Variants in TMEM132D observed in about 807,000 individuals in gnomAD.
The protein encoded by TMEM132D is mature OL transmembrane protein.
In TMEM132D, 21 loss-of-function variants were observed where a neutral mutation model predicts 62.3. That is an observed-to-expected ratio of 0.34 (90% confidence interval 0.24 to 0.49). The LOEUF (loss-of-function observed/expected upper bound fraction) is 0.49. TMEM132D is among the 20% of genes least tolerant of loss of function. The probability of loss-of-function intolerance (pLI) is 0.99; values close to 1 mark genes in which losing one functional copy is unlikely to be tolerated. For synonymous variants in TMEM132D, 621 were observed against 575.6 expected (o/e 1.08, Z -1.13); for missense variants, 1,346 against 1,402.8 (o/e 0.96, Z 0.65).
At chr12:129,649,834 G>A (rs1879878645) in intron 2 of TMEM132D, among the ~76,000 whole-genome samples, 3 of 150,994 alleles carry the variant, frequency 2.0e-5, no homozygotes, top group Admixed American at 1.3e-4. Flanking sequence ...GTGCGTATGT[G>A]CATGTATTTG....
intron 5 of TMEM132D, among the ~76,000 whole-genome samples, chr12:129,106,300 A>C (rs1407862159): frequency 6.7e-6 from 1 of 149,654 alleles, no homozygotes; most frequent in Non-Finnish European, 1.5e-5. Flanking sequence ...TAGCATTGGG[A>C]GATATACCTA....
intron 1 of TMEM132D, among the ~76,000 whole-genome samples, chr12:129,772,361 C>A (rs779182186): frequency 6.6e-5 from 10 of 151,990 alleles, no homozygotes; most frequent in Non-Finnish European, 1.3e-4. Flanking sequence ...TTTAATGATG[C>A]GGACTTCATA....
chr12:129,887,678 C>T lies in TMEM132D; in HGVS notation c.79+15583G>A, dbSNP rs149700960. 3.7e-3 allele frequency among the ~76,000 whole-genome samples: 570 copies of T among 152,218 alleles called. 12 individuals are homozygous for T. The highest frequency in any genetic ancestry group is 0.03 in the East Asian group (155 of 5,186). The stretch of plus-strand genomic sequence containing the variant: ...CATGCAAACAATTCTAGGAAAATTA[C>T]TTTAAGATAGTAAAAAAATGTGACA... On this transcript the variant is annotated intron_variant, in intron 1 of 8. Transcript: ENST00000422113.
At chr12:129,092,303 C>T (rs1190090980) in intron 5 of TMEM132D, among the ~76,000 whole-genome samples, 17 of 133,866 alleles carry the variant, frequency 1.3e-4, no homozygotes, top group Admixed American at 2.3e-4. Context: ...TCTCTCTTTC[C>T]TTTTTTTTTT....
chr12:129,374,930 A>G (rs1870741194), intron 3 of TMEM132D, among the ~76,000 whole-genome samples: 1 of 152,092 alleles, frequency 6.6e-6, no homozygotes, highest in African/African-American at 2.4e-5. Flanking sequence ...GAGAGGTGAA[A>G]TATTTCTAGC....
chr12:129,756,061 A>T (rs1323478914), intron 1 of TMEM132D, among the ~76,000 whole-genome samples: 1 of 152,166 alleles, frequency 6.6e-6, no homozygotes, highest in African/African-American at 2.4e-5. Context: ...TTTTCATAGG[A>T]GGTCTCTAAG....
intron 3 of TMEM132D, among the ~76,000 whole-genome samples, chr12:129,340,778 AC>A (rs1277820193): frequency 2.0e-5 from 3 of 152,238 alleles, no homozygotes; most frequent in African/African-American, 7.2e-5. Context: ...TGCTATAAAG[AC>A]ACATGCACAC....
intron 2 of TMEM132D, among the ~76,000 whole-genome samples, chr12:129,665,975 A>G (rs1880367259): frequency 6.6e-6 from 1 of 152,184 alleles, no homozygotes; most frequent in South Asian, 2.1e-4. Context: ...TATGTGAAAT[A>G]AATTGTATTT....
At chr12:129,240,910 C>T (rs942305320) in intron 4 of TMEM132D, among the ~76,000 whole-genome samples, 7 of 152,140 alleles carry the variant, frequency 4.6e-5, no homozygotes, top group Non-Finnish European at 1.0e-4. Flanking sequence ...GTCCATCCAT[C>T]ACCAAATCCT....
chr12:129,114,654 C>T (rs1374525539), intron 5 of TMEM132D, among the ~76,000 whole-genome samples: 1 of 152,138 alleles, frequency 6.6e-6, no homozygotes, highest in Non-Finnish European at 1.5e-5. Flanking sequence ...TGCCAGAAGC[C>T]CCTCGCATGC....
intron 1 of TMEM132D, among the ~76,000 whole-genome samples, chr12:129,825,873 G>A (rs1353982644): frequency 6.6e-6 from 1 of 152,096 alleles, no homozygotes; most frequent in African/African-American, 2.4e-5. Flanking sequence ...AGACCAGCCT[G>A]GCCAACACAG....
intron 3 of TMEM132D, among the ~76,000 whole-genome samples, chr12:129,432,143 ATGG>A (rs1872671372): frequency 3.4e-5 from 5 of 146,450 alleles, no homozygotes; most frequent in Non-Finnish European, 7.5e-5. Context: ...GGATGGATGG[ATGG>A]ATGGATGGAT....
chr12:129,120,637 A>G (rs1302139565), intron 5 of TMEM132D, among the ~76,000 whole-genome samples: 1 of 152,212 alleles, frequency 6.6e-6, no homozygotes, highest in Non-Finnish European at 1.5e-5. Context: ...AAAGGATATT[A>G]AGTGAAAAAC....
At chr12:129,449,258 T>C (rs1317324522) in intron 3 of TMEM132D, among the ~76,000 whole-genome samples, 2 of 152,208 alleles carry the variant, frequency 1.3e-5, no homozygotes, top group East Asian at 1.9e-4. Flanking sequence ...TACTCGATGA[T>C]ATAAATGAAA....
chr12:129,199,904 T>C (rs1878653995), intron 5 of TMEM132D, among the ~76,000 whole-genome samples: 1 of 152,118 alleles, frequency 6.6e-6, no homozygotes, highest in South Asian at 2.1e-4. Context: ...AAGATAAGAT[T>C]TGGGTGGGGA....
intron 1 of TMEM132D, among the ~76,000 whole-genome samples, chr12:129,706,288 TA>T (rs1881505693): frequency 6.6e-6 from 1 of 151,690 alleles, no homozygotes; most frequent in African/African-American, 2.4e-5. Flanking sequence ...AATTAATGAA[TA>T]AATAAACAAC....
intron 2 of TMEM132D, among the ~76,000 whole-genome samples, chr12:129,688,707 T>C (rs1481911973): frequency 6.6e-6 from 1 of 151,942 alleles, no homozygotes. Flanking sequence ...TGAGGTATTA[T>C]ACTAGATAAT....
At chr12:129,519,610 CTT>C (rs35695419) in intron 3 of TMEM132D, among the ~76,000 whole-genome samples, 1 of 146,992 alleles carries the variant, frequency 6.8e-6, no homozygotes, top group Non-Finnish European at 1.5e-5. Flanking sequence ...GATAAGAATG[CTT>C]TTTTTTTTTT....
chr12:129,147,871 C>T (rs145926050), intron 5 of TMEM132D, among the ~76,000 whole-genome samples: 23 of 152,346 alleles, frequency 1.5e-4, no homozygotes, highest in Non-Finnish European at 3.4e-4. Context: ...TATTCCCCAC[C>T]TTGGGTTTAG....
Sources: allele counts gnomAD v4.1 joint callset (sites outside exome capture counted in the v4.1 genomes callset), GRCh38; gene constraint gnomAD v4.1.1; transcripts MANE v1.5; gene names NCBI Gene and HGNC (gene_info 2026-07-23, HGNC 2026-07-21).